The following RIT2 variants were observed in gnomAD, a reference collection of about 807,000 sequenced individuals.
RIT2 encodes the protein GTP-binding protein Rit2.
RIT2 carries 24 observed loss-of-function variants against 23.7 expected under a neutral mutation model. The ratio of observed to expected loss-of-function variants is 1.01; its 90% CI spans 0.73 to 1.43. The LOEUF (loss-of-function observed/expected upper bound fraction) is 1.43. RIT2 is among the 40% of genes most tolerant of loss of function. RIT2 has a pLI of 0.00. For synonymous variants in RIT2, 107 were observed against 91.1 expected (o/e 1.17, Z -0.99); for missense variants, 236 against 266.9 (o/e 0.88, Z 0.81).
chr18:43,004,781 A>G lies in RIT2; in HGVS notation c.160+29030T>C, dbSNP rs928714481. The stretch of plus-strand genomic sequence containing the variant: ...TCTCACTCACAGATTTTCTTTCTGT[A>G]AGATTTTCACATTGTGCTTCTTATT... On this transcript the variant is annotated intron_variant, in intron 2 of 4. Coordinates refer to ENST00000326695, the MANE Select transcript of RIT2 (RefSeq NM_002930.4). Among the ~76,000 whole-genome samples, 10 of 151,998 alleles carry G rather than the reference A, an allele frequency of 6.6e-5. No homozygotes were observed. In the East Asian group the frequency reaches 1.9e-3, roughly 30 times the overall value.
intron 4 of RIT2, among the ~76,000 whole-genome samples, chr18:42,827,201 A>T (rs767787645): frequency 6.6e-6 from 1 of 152,208 alleles, no homozygotes; most frequent in Non-Finnish European, 1.5e-5. Context: ...CCAGCATAAG[A>T]CTGTGTTATA....
chr18:42,902,872 C>T (rs1299196650), intron 4 of RIT2, among the ~76,000 whole-genome samples: 2 of 151,560 alleles, frequency 1.3e-5, no homozygotes, highest in African/African-American at 4.8e-5. Flanking sequence ...AATGGATTAA[C>T]ATTGGCTTTA....
At chr18:42,920,785 G>A (rs752677371) in intron 4 of RIT2, 1 of 1,518,732 alleles carries the variant, frequency 6.6e-7, no homozygotes. Flanking sequence ...GAATTGCTTA[G>A]TGAGAATCCT....
intron 4 of RIT2, among the ~76,000 whole-genome samples, chr18:42,887,612 T>C (rs8085172): frequency 0.13 from 20,117 of 152,202 alleles, 1,354 homozygotes; most frequent in Middle Eastern, 0.26. Flanking sequence ...CAGTCTCCTA[T>C]GAAGTTAAGC....
chr18:43,004,824 C>G (rs1568053333), intron 2 of RIT2, among the ~76,000 whole-genome samples: 1 of 151,808 alleles, frequency 6.6e-6, no homozygotes. Flanking sequence ...TTTATGTTGG[C>G]TATTATATTC....
At chr18:42,894,908 T>C (rs28624564) in intron 4 of RIT2, among the ~76,000 whole-genome samples, 3,124 of 152,340 alleles carry the variant, frequency 0.021, 123 homozygotes, top group African/African-American at 0.071. Flanking sequence ...TAAATGCCTT[T>C]GGGCTTTGCC....
At chr18:42,970,904 C>T (rs1472060142) in intron 3 of RIT2, among the ~76,000 whole-genome samples, 1 of 151,738 alleles carries the variant, frequency 6.6e-6, no homozygotes, top group African/African-American at 2.4e-5. Flanking sequence ...ATGTCTCTGT[C>T]TTTTGTTATA....
chr18:42,875,801 AG>A (rs930603577), intron 4 of RIT2, among the ~76,000 whole-genome samples: 18 of 152,128 alleles, frequency 1.2e-4, no homozygotes, highest in African/African-American at 4.1e-4. Context: ...TCTGGTGAAG[AG>A]GGTGATCTAA....
chr18:42,967,614 A>G (rs1003365262), intron 3 of RIT2, among the ~76,000 whole-genome samples: 2 of 142,576 alleles, frequency 1.4e-5, no homozygotes, highest in Admixed American at 7.4e-5. Flanking sequence ...GATGGTCTCA[A>G]TCTGCTGACC....
chr18:43,082,617 A>G (rs1199453319), intron 1 of RIT2, among the ~76,000 whole-genome samples: 2 of 152,182 alleles, frequency 1.3e-5, no homozygotes, highest in African/African-American at 4.8e-5. Context: ...AACAGAACCA[A>G]TGACAAAAGC....
intron 2 of RIT2, among the ~76,000 whole-genome samples, chr18:42,995,785 A>G (rs546617999): frequency 9.2e-5 from 14 of 152,168 alleles, no homozygotes; most frequent in African/African-American, 3.4e-4. Flanking sequence ...CTTTTTATTA[A>G]GCCCCAGTCT....
At chr18:42,972,190 C>CAAGT (rs1364665142) in intron 3 of RIT2, among the ~76,000 whole-genome samples, 1 of 151,902 alleles carries the variant, frequency 6.6e-6, no homozygotes, top group African/African-American at 2.4e-5. Context: ...CACTGAAAAA[C>CAAGT]AAGTACACTT....
chr18:42,939,195 G>A (rs758878513), intron 3 of RIT2, among the ~76,000 whole-genome samples: 9 of 152,146 alleles, frequency 5.9e-5, no homozygotes, highest in Admixed American at 1.3e-4. Context: ...AGGCTGGTGA[G>A]AGGGATTAAG....
rs551130318 is a variant in RIT2 at position 42,860,379 on chromosome 18, C to T, written c.426+63193G>A. The stretch of plus-strand genomic sequence containing the variant: ...CTTGTTGTTCTTACAGAGATTCAGA[C>T]ATTTTTCTTTAATAAGTACTCATAG... On this transcript the variant is annotated intron_variant, in intron 4 of 4. Coordinates refer to ENST00000326695, the MANE Select transcript of RIT2 (RefSeq NM_002930.4). 2.2e-4 allele frequency among the ~76,000 whole-genome samples: 34 copies of T among 152,306 alleles called. No homozygotes were observed. The South Asian group carries it at 6.8e-3, about 31-fold the overall frequency.
chr18:42,909,553 T>C (rs1296849183), intron 4 of RIT2, among the ~76,000 whole-genome samples: 1 of 152,132 alleles, frequency 6.6e-6, no homozygotes, highest in Non-Finnish European at 1.5e-5. Flanking sequence ...CAATTTATTT[T>C]CTCAAAAAAC....
chr18:42,976,984 C>T (rs1012385775), intron 2 of RIT2, among the ~76,000 whole-genome samples: 5 of 151,988 alleles, frequency 3.3e-5, no homozygotes, highest in African/African-American at 9.7e-5. Context: ...AGAAGAGAAA[C>T]TCTCAGATTT....
At position 43,057,775 on chromosome 18, in the gene RIT2, G is replaced by T. The variant is rs186519834; in HGVS notation, c.104-23908C>A. 2.7e-4 allele frequency among the ~76,000 whole-genome samples: 39 copies of T among 144,116 alleles called. 1 individual carries two copies. Among genetic ancestry groups the T allele is most frequent in the Admixed American group, 2.7e-3 (38 of 14,202 alleles). 94.5% of individuals were successfully genotyped at this position (144,116 alleles called of 152,430 possible). A position where few individuals can be genotyped will look rare whatever the true frequency, so the allele number is the denominator to read the frequency against. ...TATTAATATTTTCTCTAGCAATGGA[G>T]CTAATCTTCCAAGTGATGGACACTT... On this transcript the variant is annotated intron_variant, in intron 1 of 4. Coordinates refer to ENST00000326695, the MANE Select transcript of RIT2 (RefSeq NM_002930.4).
chr18:43,023,150 T>C lies in RIT2; in HGVS notation c.160+10661A>G, dbSNP rs115399888. On this transcript the variant is annotated intron_variant, in intron 2 of 4. Coordinates refer to ENST00000326695, the MANE Select transcript of RIT2 (RefSeq NM_002930.4). ...ATTTTCCCATGTAAGACAGCTGTCATGGAGATCATATGCTACTCATATCCA... is the reference window on the plus strand; with the variant it reads ...ATTTTCCCATGTAAGACAGCTGTCACGGAGATCATATGCTACTCATATCCA... 4.4e-3 allele frequency among the ~76,000 whole-genome samples: 666 copies of C among 152,184 alleles called. 5 individuals carry two copies. Among genetic ancestry groups the C allele is most frequent in the African/African-American group, 0.014 (578 of 41,564 alleles).
At chr18:43,042,040 T>C (rs1912139695) in intron 1 of RIT2, among the ~76,000 whole-genome samples, 1 of 152,170 alleles carries the variant, frequency 6.6e-6, no homozygotes, top group Non-Finnish European at 1.5e-5. Context: ...TAAAGCAATT[T>C]AGAGAATAAT....
Sources: allele counts gnomAD v4.1 joint callset (sites outside exome capture counted in the v4.1 genomes callset), GRCh38; gene constraint gnomAD v4.1.1; transcripts MANE v1.5; gene names NCBI Gene and HGNC (gene_info 2026-07-23, HGNC 2026-07-21).